Variants in PLEKHA7 observed in about 807,000 individuals in gnomAD.
PLEKHA7 encodes pleckstrin homology domain containing A7.
PLEKHA7 carries 104 observed loss-of-function variants against 170.0 expected under a neutral mutation model. The observed-to-expected ratio is 0.61, with a 90% confidence interval of 0.52 to 0.72. The LOEUF is 0.72. Among genes scored for constraint, PLEKHA7 ranks in the 30% least tolerant of loss-of-function variants. The pLI is 0.00. For missense variants in PLEKHA7, 1,615 were observed against 1,671.7 expected (o/e 0.97, Z 0.59); for synonymous variants, 648 against 660.8 (o/e 0.98, Z 0.30).
In PLEKHA7 at chr11:17,014,161, C is replaced by A. The variant is rs748248096; in HGVS notation, c.127G>T (p.Gly43Trp). ...ATGTGGCCCGAGTTGACGGGCTCCC[C>A]GGTGCGCGGATGCAGCCAGGTCGTG... ...RCTTWLHPRT[G>W]EPVNSGHMIR... The change falls in exon 2 of 27, where the codon GGG becomes TGG. Residue 43 changes from glycine (G) to tryptophan (W), a missense_variant. Transcript: ENST00000531066. 2.5e-6 allele frequency: 4 copies of A among 1,601,514 alleles called. No homozygotes were observed. Among genetic ancestry groups the A allele is most frequent in the African/African-American group, 2.7e-5 (2 of 73,780 alleles).
intron 9 of PLEKHA7, among the ~76,000 whole-genome samples, chr11:16,831,599 T>C (rs1323326247): frequency 6.6e-6 from 1 of 152,174 alleles, no homozygotes; most frequent in African/African-American, 2.4e-5. Context: ...TGACACTCAG[T>C]GGCCATTTTG....
chr11:16,808,826 C>A (rs1286518533), intron 13 of PLEKHA7, among the ~76,000 whole-genome samples: 1 of 152,156 alleles, frequency 6.6e-6, no homozygotes, highest in African/African-American at 2.4e-5. Flanking sequence ...AACTTCAATG[C>A]CAAGAATACA....
intron 8 of PLEKHA7, among the ~76,000 whole-genome samples, chr11:16,845,808 G>A (rs1004462828): frequency 1.3e-5 from 2 of 152,180 alleles, no homozygotes; most frequent in Non-Finnish European, 2.9e-5. Context: ...AGGAGCACAG[G>A]TGAGAGAGAG....
intron 9 of PLEKHA7, among the ~76,000 whole-genome samples, chr11:16,829,856 TCTTTTTTC>T (rs141519565): frequency 0.053 from 7,987 of 152,026 alleles, 680 homozygotes; most frequent in African/African-American, 0.18. Context: ...GTTTCTTTTT[TCTTTTTTC>T]TTTTTTTCAC....
intron 3 of PLEKHA7, among the ~76,000 whole-genome samples, chr11:16,894,123 T>C (rs941605761): frequency 6.6e-6 from 1 of 152,100 alleles, no homozygotes; most frequent in Admixed American, 6.5e-5. Context: ...GTTGCCAAGG[T>C]CCTGTGAGAC....
rs1590169239 is a variant in PLEKHA7 at position 16,803,122 on chromosome 11, G to A, written c.2077-70C>T. 8 of 1,562,388 alleles carry A rather than the reference G, an allele frequency of 5.1e-6. No homozygotes were observed. The East Asian group carries it at 1.8e-4, about 35-fold the overall frequency. On this transcript the variant is annotated intron_variant, in intron 14 of 26. Transcript: ENST00000531066. ...GGACATGACCTTGGGATTGCAATCA[G>A]ACAGCCTTTGGCTACAGAACCATCC...
intron 8 of PLEKHA7, among the ~76,000 whole-genome samples, chr11:16,843,908 G>T (rs1429477915): frequency 6.6e-6 from 1 of 152,178 alleles, no homozygotes; most frequent in African/African-American, 2.4e-5. Context: ...TTGCACTCCA[G>T]CCTGGGTGAC....
At chr11:16,869,348 G>A (rs746705047) in intron 4 of PLEKHA7, among the ~76,000 whole-genome samples, 3 of 152,212 alleles carry the variant, frequency 2.0e-5, no homozygotes, top group African/African-American at 4.8e-5. Flanking sequence ...GGAACACCAC[G>A]CAAAGGCAGC....
chr11:16,778,902 C>A lies in PLEKHA7; in HGVS notation c.*96G>T. ...CCTTCCTCCGGCCGGATTCCCTGCT[C>A]AGCTGGAAGGGGTTTCCTTGGGGGC... On this transcript the variant is annotated 3_prime_UTR_variant, in exon 27 of 27. Transcript: ENST00000531066. 2 of 700,442 alleles carry A rather than the reference C, an allele frequency of 2.9e-6. No homozygotes were observed. The highest frequency in any genetic ancestry group is 5.2e-6 in the Non-Finnish European group (2 of 383,472). The allele number at this position is 700,442 out of a possible 1,614,324, so 43.4% of individuals were successfully genotyped here.
At chr11:16,952,609 C>A (rs1009081866) in intron 3 of PLEKHA7, among the ~76,000 whole-genome samples, 1 of 151,912 alleles carries the variant, frequency 6.6e-6, no homozygotes, top group Non-Finnish European at 1.5e-5. Flanking sequence ...CGTCATAATA[C>A]AGGTGGAGTG....
chr11:16,938,772 C>T (rs1860485228), intron 3 of PLEKHA7, among the ~76,000 whole-genome samples: 1 of 152,144 alleles, frequency 6.6e-6, no homozygotes, highest in African/African-American at 2.4e-5. Flanking sequence ...AAATAGAATG[C>T]TTTAGGAATA....
intron 3 of PLEKHA7, among the ~76,000 whole-genome samples, chr11:16,959,117 T>C (rs534465271): frequency 4.6e-5 from 7 of 152,318 alleles, no homozygotes; most frequent in East Asian, 1.9e-4. Context: ...TGTGGGTACA[T>C]GTGAAGGTGT....
chr11:16,818,748 A>G (rs17770452), intron 10 of PLEKHA7, among the ~76,000 whole-genome samples: 64,277 of 151,892 alleles, frequency 0.42, 14,834 homozygotes, highest in Non-Finnish European at 0.52. Context: ...AAAACTGGAT[A>G]TGACTTCAAA....
chr11:16,930,048 A>G (rs1859822029), intron 3 of PLEKHA7, among the ~76,000 whole-genome samples: 1 of 152,118 alleles, frequency 6.6e-6, no homozygotes, highest in African/African-American at 2.4e-5. Flanking sequence ...GTGCTGGGAT[A>G]TTTTGGGGAG....
At chr11:16,858,179 T>C (rs1430356012) in intron 4 of PLEKHA7, among the ~76,000 whole-genome samples, 1 of 152,214 alleles carries the variant, frequency 6.6e-6, no homozygotes, top group Non-Finnish European at 1.5e-5. Context: ...GTTACTTCCA[T>C]TCTTTTTATA....
chr11:16,923,237 C>T (rs1429812927), intron 3 of PLEKHA7, among the ~76,000 whole-genome samples: 1 of 152,196 alleles, frequency 6.6e-6, no homozygotes, highest in Non-Finnish European at 1.5e-5. Flanking sequence ...AGACGTTAGA[C>T]GGCTGGCTTG....
chr11:16,907,169 T>C lies in PLEKHA7; in HGVS notation c.222-35987A>G, dbSNP rs1268049812. 4.1e-4 allele frequency among the ~76,000 whole-genome samples: 31 copies of C among 74,752 alleles called. 1 individual carries two copies. Among genetic ancestry groups the C allele is most frequent in the Admixed American group, 2.8e-3 (18 of 6,378 alleles). The allele number at this position is 74,752 out of a possible 152,430, so 49.0% of individuals were successfully genotyped here. A position where few individuals can be genotyped will look rare whatever the true frequency, so the allele number is the denominator to read the frequency against. On this transcript the variant is annotated intron_variant, in intron 3 of 26. Transcript: ENST00000531066. ...CCGTCCGGAAGGGAGGTGGGGGGGT[T>C]AGCCCCCCGCCCGGCCAGCCGCCCC... is the stretch of plus-strand genomic sequence containing the variant.
In PLEKHA7 at chr11:16,782,617, G is replaced by A. The variant is rs571076842; in HGVS notation, c.3793+137C>T. The A allele has an allele frequency of 6.9e-4, 774 of 1,127,622 alleles. 6 individuals are homozygous for A. Among genetic ancestry groups the A allele is most frequent in the Non-Finnish European group, 3.7e-5 (30 of 802,816 alleles). The allele number at this position is 1,127,622 out of a possible 1,614,324, so 69.9% of individuals were successfully genotyped here. On this transcript the variant is annotated intron_variant, in intron 26 of 26. Transcript: ENST00000531066. ...ATGGGACAGGATGCCGAGTGGTCAG[G>A]GGAACACACCACTGACCCTCAACTA...
chr11:16,985,529 C>A (rs1590788225), intron 3 of PLEKHA7, among the ~76,000 whole-genome samples: 1 of 150,576 alleles, frequency 6.6e-6, no homozygotes, highest in East Asian at 2.0e-4. Flanking sequence ...GGCAAGAGAG[C>A]TCTTGGGGTG....
Sources: gnomAD v4.1 joint callset for allele counts (sites outside exome capture counted in the v4.1 genomes callset) on GRCh38, gnomAD v4.1.1 for gene constraint, MANE v1.5 for transcripts, NCBI Gene and HGNC (gene_info 2026-07-23, HGNC 2026-07-21) for gene names.